The following ARHGEF28 variants were observed in gnomAD, a reference collection of about 807,000 sequenced individuals.
ARHGEF28 encodes 190 kDa guanine nucleotide exchange factor.
A neutral mutation model predicts 206.6 loss-of-function variants in ARHGEF28; 152 were observed. The observed-to-expected ratio is 0.74, with a 90% confidence interval of 0.64 to 0.84. ARHGEF28 has a LOEUF of 0.84. ARHGEF28 is among the 40% of genes least tolerant of loss of function. The pLI, the probability that ARHGEF28 is intolerant of heterozygous loss-of-function variation, is 0.00. For synonymous variants in ARHGEF28, 763 were observed against 776.4 expected, an observed-to-expected ratio of 0.98 and a Z score of 0.29; for missense variants, 2,028 against 2,073.2, an observed-to-expected ratio of 0.98 and a Z score of 0.42.
chr5:73,873,586 G>T (rs1009989682), intron 22 of ARHGEF28, among the ~76,000 whole-genome samples: 1 of 152,148 alleles, frequency 6.6e-6, no homozygotes, highest in African/African-American at 2.4e-5. Flanking sequence ...ATCTGCAGTT[G>T]CTTTAGCATG....
intron 9 of ARHGEF28, among the ~76,000 whole-genome samples, chr5:73,816,462 G>T (rs1756217537): frequency 6.6e-6 from 1 of 152,148 alleles, no homozygotes; most frequent in African/African-American, 2.4e-5. Flanking sequence ...GGCTTTGAGA[G>T]CTTGGAATTA....
At chr5:73,929,914 A>G (rs151100201) in intron 35 of ARHGEF28, among the ~76,000 whole-genome samples, 4 of 152,302 alleles carry the variant, frequency 2.6e-5, no homozygotes, top group African/African-American at 9.6e-5. Flanking sequence ...ATATATATGT[A>G]CTTTCTGCAA....
intron 2 of ARHGEF28, among the ~76,000 whole-genome samples, chr5:73,690,802 G>C (rs1049501205): frequency 6.6e-6 from 1 of 152,002 alleles, no homozygotes; most frequent in African/African-American, 2.4e-5. Flanking sequence ...AGAAATTGTT[G>C]GTTCCGAAGA....
Position 73,886,022 on chromosome 5 carries a change from G to A in ARHGEF28, c.3228G>A (p.Arg1076=). 6.2e-7 allele frequency: 1 copy of A among 1,613,900 alleles called. No individual in the cohort carries two copies. Among genetic ancestry groups the A allele is most frequent in the South Asian group, 1.1e-5 (1 of 91,068 alleles). Residue 1076 remains arginine (R), a synonymous_variant, in exon 25 of 36, where the codon AGG becomes AGA. Coordinates refer to ENST00000513042, the MANE Select transcript of ARHGEF28 (RefSeq NM_001177693.2). ...YTKLKNGHVF[R]KQALMSEERT... ...AGCTCAAAAATGGACATGTGTTTAGGAAGCAGGCACTGATGAGTGAAGAAA... is the reference window on the plus strand; with the variant it reads ...AGCTCAAAAATGGACATGTGTTTAGAAAGCAGGCACTGATGAGTGAAGAAA...
intron 4 of ARHGEF28, among the ~76,000 whole-genome samples, chr5:73,765,037 A>G (rs1752821075): frequency 6.6e-6 from 1 of 152,172 alleles, no homozygotes; most frequent in South Asian, 2.1e-4. Context: ...GGCATTTTAT[A>G]AATATCTGTA....
intron 1 of ARHGEF28, among the ~76,000 whole-genome samples, chr5:73,672,083 G>T (rs1168461914): frequency 6.6e-6 from 1 of 152,032 alleles, no homozygotes; most frequent in African/African-American, 2.4e-5. Context: ...GGAAAAGCTA[G>T]AATATATGTT....
At chr5:73,639,180 C>T (rs1743911387) in intron 1 of ARHGEF28, among the ~76,000 whole-genome samples, 1 of 150,828 alleles carries the variant, frequency 6.6e-6, no homozygotes, top group Non-Finnish European at 1.5e-5. Context: ...AAGTATTGTT[C>T]ATTCAGTCAC....
At chr5:73,839,008 C>T (rs976054531) in intron 10 of ARHGEF28, among the ~76,000 whole-genome samples, 4 of 152,060 alleles carry the variant, frequency 2.6e-5, no homozygotes, top group Non-Finnish European at 4.4e-5. Context: ...GAATACAGAC[C>T]AGTATTTTTG....
chr5:73,649,983 T>C (rs915536089), intron 1 of ARHGEF28, among the ~76,000 whole-genome samples: 3 of 152,224 alleles, frequency 2.0e-5, no homozygotes, highest in African/African-American at 7.2e-5. Flanking sequence ...TGATTGGGTG[T>C]CCTGGTTTCC....
At chr5:73,629,207 G>A (rs1035202514) in intron 1 of ARHGEF28, among the ~76,000 whole-genome samples, 1 of 151,946 alleles carries the variant, frequency 6.6e-6, no homozygotes, top group Non-Finnish European at 1.5e-5. Context: ...TAAGACATTT[G>A]GCTGGCCAGG....
At chr5:73,867,693 T>C (rs1307664844) in intron 18 of ARHGEF28, among the ~76,000 whole-genome samples, 183 bp from the exon 19 acceptor site, 1 of 151,920 alleles carries the variant, frequency 6.6e-6, no homozygotes, top group Non-Finnish European at 1.5e-5. Flanking sequence ...GTCAGGAGGG[T>C]GTAAAATGAA....
intron 9 of ARHGEF28, among the ~76,000 whole-genome samples, chr5:73,801,815 C>T (rs1755151429): frequency 6.6e-6 from 1 of 152,078 alleles, no homozygotes; most frequent in African/African-American, 2.4e-5. Context: ...GGGCTGGAGA[C>T]AGTGAAATAT....
intron 35 of ARHGEF28, among the ~76,000 whole-genome samples, chr5:73,925,115 G>T (rs1213087402): frequency 6.6e-6 from 1 of 152,168 alleles, no homozygotes; most frequent in African/African-American, 2.4e-5. Flanking sequence ...GTGGATAAGG[G>T]TTGGTATCCA....
At chr5:73,755,783 C>T (rs1752276141) in intron 4 of ARHGEF28, among the ~76,000 whole-genome samples, 1 of 152,150 alleles carries the variant, frequency 6.6e-6, no homozygotes, top group Non-Finnish European at 1.5e-5. Flanking sequence ...CGAGGGCCAT[C>T]CTATTGCCAT....
intron 4 of ARHGEF28, among the ~76,000 whole-genome samples, chr5:73,757,840 T>C (rs1752396593): frequency 6.6e-6 from 1 of 152,232 alleles, no homozygotes; most frequent in Admixed American, 6.5e-5. Context: ...AATAGTAATA[T>C]AATTATTCAA....
intron 1 of ARHGEF28, among the ~76,000 whole-genome samples, chr5:73,659,081 T>G (rs1206912771): frequency 1.3e-5 from 2 of 152,110 alleles, no homozygotes; most frequent in East Asian, 3.9e-4. Flanking sequence ...CTCTGTATAC[T>G]GACTGCCTTC....
chr5:73,753,014 C>T lies in ARHGEF28; in HGVS notation c.287C>T (p.Ala96Val). The change falls in exon 4 of 36, where the codon GCT becomes GTT. Residue 96 changes from alanine to valine, a missense_variant. By Grantham distance (64) the Ala-to-Val change is moderately conservative. Transcript: ENST00000513042. The part of the protein sequence containing the change: ...SGSVTYVDNM[A>V]CRLARLLVTQ... The stretch of plus-strand genomic sequence containing the variant: ...TCAGTGACCTACGTGGACAACATGG[C>T]TTGCAGGCTGGCTCGTCTGCTGGTG... 1 of 1,613,158 alleles carries T rather than the reference C, an allele frequency of 6.2e-7. No individual in the cohort carries two copies. Among genetic ancestry groups the T allele is most frequent in the South Asian group, 1.1e-5 (1 of 90,786 alleles).
chr5:73,816,144 G>A lies in ARHGEF28; in HGVS notation c.1025-16194G>A, dbSNP rs953161027. On this transcript the variant is annotated intron_variant, in intron 9 of 35. Coordinates refer to ENST00000513042, the MANE Select transcript of ARHGEF28 (RefSeq NM_001177693.2). ...GGGGGTGCCAGGCACTGTTCTTGAG[G>A]GTATGGTGAAGTAATGACCCTCACA... Among the ~76,000 whole-genome samples the A allele has an allele frequency of 3.3e-5, 5 of 151,960 alleles. No homozygotes were observed. The South Asian group carries it at 8.3e-4, about 25-fold the overall frequency.
intron 35 of ARHGEF28, among the ~76,000 whole-genome samples, chr5:73,917,606 A>C (rs1056103733): frequency 1.3e-5 from 2 of 152,164 alleles, no homozygotes; most frequent in South Asian, 4.1e-4. Context: ...AGCCTAAGAC[A>C]CAGCAGGAGA....
Sources: gnomAD v4.1 joint callset for allele counts (sites outside exome capture counted in the v4.1 genomes callset) on GRCh38, gnomAD v4.1.1 for gene constraint, MANE v1.5 for transcripts, NCBI Gene and HGNC (gene_info 2026-07-23, HGNC 2026-07-21) for gene names.